PRKG1: variants seen among roughly 807,000 people sequenced by gnomAD.
PRKG1 encodes protein kinase cGMP-dependent 1, also known as cGMP-dependent protein kinase 1.
A neutral mutation model predicts 88.1 loss-of-function variants in PRKG1; 35 were observed. The ratio of observed to expected loss-of-function variants is 0.40; its 90% CI spans 0.30 to 0.53. PRKG1 has a LOEUF of 0.53. Ranked by LOEUF, PRKG1 falls within the 20% of genes least tolerant of loss-of-function variation. The pLI is 0.59. For synonymous variants in PRKG1, 303 were observed against 292.5 expected (o/e 1.04, Z -0.37); for missense variants, 540 against 839.8 (o/e 0.64, Z 4.41).
chr10:51,037,150 A>G (rs1297635377), intron 1 of PRKG1, among the ~76,000 whole-genome samples: 3 of 152,150 alleles, frequency 2.0e-5, no homozygotes, highest in Non-Finnish European at 2.9e-5. Flanking sequence ...TGAAGGAGAT[A>G]TATAAAAAGT....
intron 3 of PRKG1, among the ~76,000 whole-genome samples, chr10:51,493,271 T>A (rs1014713859): frequency 6.6e-6 from 1 of 152,204 alleles, no homozygotes; most frequent in South Asian, 2.1e-4. Context: ...TGCAGAAAAA[T>A]TTTACTTTGT....
intron 3 of PRKG1, among the ~76,000 whole-genome samples, chr10:51,680,551 G>A (rs554283771): frequency 6.6e-6 from 1 of 152,272 alleles, no homozygotes; most frequent in Non-Finnish European, 1.5e-5. Context: ...CCAACATCTT[G>A]TCTCATACAA....
At chr10:51,971,677 A>G (rs575452414) in intron 5 of PRKG1, among the ~76,000 whole-genome samples, 1 of 152,240 alleles carries the variant, frequency 6.6e-6, no homozygotes, top group Non-Finnish European at 1.5e-5. Flanking sequence ...TGCTCTTGTT[A>G]TACAGTGAAC....
intron 2 of PRKG1, among the ~76,000 whole-genome samples, chr10:51,155,114 A>G (rs1846173935): frequency 1.3e-5 from 2 of 152,090 alleles, no homozygotes; most frequent in Admixed American, 1.3e-4. Flanking sequence ...TCCAGTGCTA[A>G]TTATTGCTGT....
chr10:51,586,387 G>C (rs997668115), intron 3 of PRKG1, among the ~76,000 whole-genome samples: 1 of 152,162 alleles, frequency 6.6e-6, no homozygotes, highest in Non-Finnish European at 1.5e-5. Flanking sequence ...TAGTTAGATG[G>C]TGGAATGATG....
chr10:52,228,113 AG>A (rs1328407187), intron 9 of PRKG1, among the ~76,000 whole-genome samples: 1 of 152,154 alleles, frequency 6.6e-6, no homozygotes, highest in African/African-American at 2.4e-5. Context: ...GAGTGTGGGT[AG>A]GTTAAGGGGA....
At chr10:51,410,191 T>A (rs1838040585) in intron 2 of PRKG1, among the ~76,000 whole-genome samples, 3 of 151,752 alleles carry the variant, frequency 2.0e-5, no homozygotes, top group Admixed American at 2.0e-4. Context: ...ACTAATAGGA[T>A]CAATATTTAA....
At chr10:51,600,788 A>G (rs7897797) in intron 3 of PRKG1, among the ~76,000 whole-genome samples, 11,940 of 152,174 alleles carry the variant, frequency 0.078, 1,566 homozygotes, top group African/African-American at 0.27. Flanking sequence ...TAGACATATC[A>G]AGCTTTAGAT....
intron 9 of PRKG1, among the ~76,000 whole-genome samples, chr10:52,192,706 A>T (rs891888624): frequency 9.9e-5 from 15 of 152,208 alleles, no homozygotes; most frequent in Admixed American, 2.0e-4. Flanking sequence ...CCTCCACAGA[A>T]TTGGTAACTT....
chr10:51,857,361 G>T (rs1385484208), intron 4 of PRKG1, among the ~76,000 whole-genome samples: 4 of 152,156 alleles, frequency 2.6e-5, no homozygotes, highest in Admixed American at 1.3e-4. Flanking sequence ...TTGAGTATGT[G>T]TTACTATTTT....
At chr10:51,372,534 A>G (rs1329306899) in intron 2 of PRKG1, among the ~76,000 whole-genome samples, 1 of 152,174 alleles carries the variant, frequency 6.6e-6, no homozygotes, top group Non-Finnish European at 1.5e-5. Context: ...AACTTCTGCT[A>G]CTATGATGAG....
At chr10:51,289,423 A>T (rs1840525115) in intron 2 of PRKG1, among the ~76,000 whole-genome samples, 1 of 152,174 alleles carries the variant, frequency 6.6e-6, no homozygotes, top group South Asian at 2.1e-4. Flanking sequence ...GAAGCTTGAC[A>T]ACAGTGGACT....
chr10:51,699,718 T>C (rs1841413913), intron 3 of PRKG1: 2 of 657,292 alleles, frequency 3.0e-6, no homozygotes, highest in East Asian at 2.7e-5. Context: ...ACTAACAACT[T>C]ATCTAATGCT....
intron 3 of PRKG1, among the ~76,000 whole-genome samples, chr10:51,734,672 G>C (rs1837218412): frequency 6.6e-6 from 1 of 152,096 alleles, no homozygotes; most frequent in African/African-American, 2.4e-5. Context: ...AGGGATGGTA[G>C]GTCAAGATAA....
chr10:51,582,611 A>T (rs1419249502), intron 3 of PRKG1, among the ~76,000 whole-genome samples: 1 of 152,046 alleles, frequency 6.6e-6, no homozygotes, highest in Non-Finnish European at 1.5e-5. Flanking sequence ...AGCTTCATCC[A>T]TGTTCCTGCA....
At chr10:51,001,602 A>T (rs1842890193) in intron 1 of PRKG1, among the ~76,000 whole-genome samples, 1 of 152,246 alleles carries the variant, frequency 6.6e-6, no homozygotes, top group Non-Finnish European at 1.5e-5. Context: ...TATATTACAT[A>T]CAGGATGAGG....
chr10:51,017,359 A>G (rs1843080530), intron 1 of PRKG1, among the ~76,000 whole-genome samples: 1 of 152,232 alleles, frequency 6.6e-6, no homozygotes, highest in Non-Finnish European at 1.5e-5. Context: ...GAAGTATCAT[A>G]TCTTCATTCT....
intron 3 of PRKG1, among the ~76,000 whole-genome samples, chr10:51,490,857 T>C (rs1438471705): frequency 6.6e-6 from 1 of 152,070 alleles, no homozygotes; most frequent in Non-Finnish European, 1.5e-5. Flanking sequence ...GAAACCTCAT[T>C]TCTGGGATTT....
At chr10:51,402,822 A>T (rs1293559095) in intron 2 of PRKG1, among the ~76,000 whole-genome samples, 1 of 152,164 alleles carries the variant, frequency 6.6e-6, no homozygotes, top group Admixed American at 6.5e-5. Context: ...ACTGATGGCA[A>T]ATTGCAAGGA....
Sources: gnomAD v4.1 joint callset for allele counts (sites outside exome capture counted in the v4.1 genomes callset) on GRCh38, gnomAD v4.1.1 for gene constraint, MANE v1.5 for transcripts, NCBI Gene and HGNC (gene_info 2026-07-23, HGNC 2026-07-21) for gene names.